The following PIK3CA variants were observed in gnomAD, a reference collection of about 807,000 sequenced individuals.
The protein encoded by PIK3CA is phosphatidylinositol-4,5-bisphosphate 3-kinase catalytic subunit alpha.
Under a neutral mutation model 138.2 loss-of-function variants are expected in PIK3CA, and 27 were observed. The observed-to-expected ratio is 0.20, with a 90% CI of 0.14 to 0.27. The LOEUF (loss-of-function observed/expected upper bound fraction) is 0.27. Ranked by LOEUF, PIK3CA falls within the 10% of genes least tolerant of loss-of-function variation. PIK3CA has a pLI of 1.00. For missense variants in PIK3CA, 544 were observed against 1,277.4 expected (o/e 0.43, Z 8.75); for synonymous variants, 358 against 413.2 (o/e 0.87, Z 1.62).
chr3:179,190,313 C>CA (rs992463202), intron 1 of PIK3CA, among the ~76,000 whole-genome samples: 2 of 150,766 alleles, frequency 1.3e-5, no homozygotes, highest in African/African-American at 4.9e-5. Context: ...GTGCACCCCC[C>CA]CCACCACCCC....
At position 179,203,610 on chromosome 3, in the gene PIK3CA, T is replaced by A. The variant is rs2108392741; in HGVS notation, c.880T>A (p.Tyr294Asn). The A allele has an allele frequency of 6.2e-7, 1 of 1,614,002 alleles. No individual in the cohort carries two copies. Among genetic ancestry groups the A allele is most frequent in the Non-Finnish European group, 8.5e-7 (1 of 1,179,928 alleles). The change falls in exon 5 of 21, where the codon TAT becomes AAT. Residue 294 changes from tyrosine to asparagine, a missense_variant. This residue lies in a region of PIK3CA where 234 missense variants were observed against 401.3 expected (regional missense o/e 0.58). Coordinates refer to ENST00000263967, the MANE Select transcript of PIK3CA (RefSeq NM_006218.4). ...GATGTTGATGGCTAAAGAAAGCCTT[T>A]ATTCTCAACTGCCAATGGACTGTTT... is the stretch of plus-strand genomic sequence containing the variant. ...NLMLMAKESL[Y>N]SQLPMDCFTM...
chr3:179,158,693 A>C (rs889630288), intron 1 of PIK3CA, among the ~76,000 whole-genome samples: 1 of 152,180 alleles, frequency 6.6e-6, no homozygotes, highest in Non-Finnish European at 1.5e-5. Flanking sequence ...AGGACACTCA[A>C]TGGACATGTG....
At position 179,235,122 on chromosome 3, in the gene PIK3CA, TAA is replaced by T. The variant is rs1327253616; in HGVS notation, c.*772_*773del. 3.6e-3 allele frequency: 555 copies of T among 154,622 alleles called. No homozygotes were observed. The highest frequency in any genetic ancestry group is 0.019 in the Middle Eastern group (8 of 428). 9.6% of individuals were successfully genotyped at this position (154,622 alleles called of 1,614,324 possible). A position where few individuals can be genotyped will look rare whatever the true frequency, so the allele number is the denominator to read the frequency against. On this transcript the variant is annotated 3_prime_UTR_variant, in exon 21 of 21. Transcript: ENST00000263967. Reference sequence around the variant, plus strand: ...AGGGAAATTCTGGGCTCCCACAAAGTAAAAAAAAAAAAAAATCATAGAAAAAG... The same window carrying T: ...AGGGAAATTCTGGGCTCCCACAAAGTAAAAAAAAAAAAATCATAGAAAAAG...
intron 1 of PIK3CA, among the ~76,000 whole-genome samples, chr3:179,191,711 A>G (rs1464385539): frequency 1.3e-5 from 2 of 152,142 alleles, no homozygotes; most frequent in African/African-American, 4.8e-5. Context: ...GTCTCGGCTC[A>G]CTGCAACCTC....
chr3:179,233,275 T>G (rs1416533011), intron 20 of PIK3CA: 1 of 398,240 alleles, frequency 2.5e-6, no homozygotes, highest in African/African-American at 2.1e-5. Flanking sequence ...GTGGGCTTCC[T>G]TGTCTTGTTC....
chr3:179,216,636 C>A (rs1025307420), intron 9 of PIK3CA, among the ~76,000 whole-genome samples: 21 of 152,030 alleles, frequency 1.4e-4, no homozygotes, highest in African/African-American at 5.1e-4. Context: ...TCAGAATTTT[C>A]AAAAATACTG....
In PIK3CA at chr3:179,229,322, A is replaced by G. The variant is rs778550145; in HGVS notation, c.2546A>G (p.Glu849Gly). The G allele has an allele frequency of 6.2e-7, 1 of 1,613,250 alleles. No individual in the cohort carries two copies. Among genetic ancestry groups the G allele is most frequent in the South Asian group, 1.1e-5 (1 of 91,062 alleles). ...LSIGDCVGLI[E>G]VVRNSHTIMQ... ...ATCGGTGACTGTGTGGGACTTATTG[A>G]GGTGGTGCGAAATTCTCACACTATT... Residue 849 changes from glutamate (E) to glycine (G), a missense_variant, in exon 18 of 21, where the codon GAG becomes GGG. Around this residue, in one of 14 missense-constraint regions of PIK3CA, gnomAD observed 72 missense variants for 271.8 expected, o/e 0.26. Transcript: ENST00000263967.
At chr3:179,157,693 G>T (rs774409370) in intron 1 of PIK3CA, among the ~76,000 whole-genome samples, 13 of 152,040 alleles carry the variant, frequency 8.6e-5, no homozygotes, top group Non-Finnish European at 1.6e-4. Context: ...GATATTTGCA[G>T]TCAGGATAGT....
intron 1 of PIK3CA, among the ~76,000 whole-genome samples, chr3:179,173,199 T>C (rs1448630097): frequency 1.3e-5 from 2 of 151,822 alleles, no homozygotes; most frequent in Non-Finnish European, 2.9e-5. Context: ...TTAGGTATTA[T>C]TTATGTGGTA....
rs17849082 is a variant in PIK3CA at position 179,203,523 on chromosome 3, C to T, written c.814-21C>T. ...ATGAAAAACCTTACAGGAAATGGCTCGCCCCCTTAATCTCTTACAGTATAT... is the reference window on the plus strand; with the variant it reads ...ATGAAAAACCTTACAGGAAATGGCTTGCCCCCTTAATCTCTTACAGTATAT... On this transcript the variant is annotated intron_variant, in intron 4 of 20. Coordinates refer to ENST00000263967, the MANE Select transcript of PIK3CA (RefSeq NM_006218.4). 466 of 1,584,100 alleles carry T rather than the reference C, an allele frequency of 2.9e-4. 3 individuals carry two copies. In the East Asian group the frequency reaches 9.1e-3, roughly 31 times the overall value.
Position 179,236,871 on chromosome 3 carries a change from A to C in PIK3CA, c.*2507A>C, listed in dbSNP as rs1576951030. The C allele has an allele frequency of 1.2e-4, 26 of 209,012 alleles. No individual in the cohort carries two copies. In the East Asian group the frequency reaches 1.9e-3, roughly 15 times the overall value. 12.9% of individuals were successfully genotyped at this position (209,012 alleles called of 1,614,324 possible). ...TAAGATCTGTTTCAAGTCAGTGATAATATAGCCACTTCTGGGTACTTCAGT... is the reference window on the plus strand; with the variant it reads ...TAAGATCTGTTTCAAGTCAGTGATACTATAGCCACTTCTGGGTACTTCAGT... On this transcript the variant is annotated 3_prime_UTR_variant, in exon 21 of 21. Transcript: ENST00000263967.
chr3:179,209,728 G>A (rs1168974722), intron 7 of PIK3CA, 28 bp downstream of exon 7: 1 of 1,360,342 alleles, frequency 7.4e-7, no homozygotes, highest in Non-Finnish European at 1.0e-6. Flanking sequence ...GAACAATTAT[G>A]TTTACCTTTA....
At chr3:179,152,825 C>CA (rs1367516393) in intron 1 of PIK3CA, among the ~76,000 whole-genome samples, 2 of 152,140 alleles carry the variant, frequency 1.3e-5, no homozygotes, top group Non-Finnish European at 2.9e-5. Context: ...ATTCCACTGT[C>CA]AAACACCCAG....
Position 179,239,909 on chromosome 3 carries a change from G to A in PIK3CA, c.*5545G>A, listed in dbSNP as rs1725407167. 1.4e-5 allele frequency: 11 copies of A among 785,888 alleles called. 1 individual carries two copies. The South Asian group carries it at 1.9e-4, about 13-fold the overall frequency. 48.7% of individuals were successfully genotyped at this position (785,888 alleles called of 1,614,324 possible). ...CAAGATGCATGTGTTACTATATTGAGAATATAGAATAATAACAGTATCACT... is the reference window on the plus strand; with the variant it reads ...CAAGATGCATGTGTTACTATATTGAAAATATAGAATAATAACAGTATCACT... On this transcript the variant is annotated 3_prime_UTR_variant, in exon 21 of 21. Transcript: ENST00000263967.
Position 179,234,307 on chromosome 3 carries a change from C to T in PIK3CA, c.3150C>T (p.Gly1050=), listed in dbSNP as rs1576949990. ...AAATGAATGATGCACATCATGGTGG[C>T]TGGACAACAAAAATGGATTGGATCT... ...MKQMNDAHHG[G]WTTKMDWIFH... is the part of the protein sequence containing the mutation. The change falls in exon 21 of 21, where the codon GGC becomes GGT. Residue 1050 remains glycine, a synonymous_variant. Transcript: ENST00000263967. The surrounding 1 kb of genome is among the most constrained non-coding windows in gnomAD (Gnocchi z 5.1). 6.2e-7 allele frequency: 1 copy of T among 1,613,074 alleles called. No homozygotes were observed. Among genetic ancestry groups the T allele is most frequent in the African/African-American group, 1.3e-5 (1 of 74,964 alleles).
intron 1 of PIK3CA, among the ~76,000 whole-genome samples, chr3:179,185,854 C>T (rs571542920): frequency 6.6e-6 from 1 of 152,196 alleles, no homozygotes; most frequent in African/African-American, 2.4e-5. Flanking sequence ...CTTCCAGGAA[C>T]CTCCACTTGT....
intron 18 of PIK3CA, 60 bp downstream of exon 18, chr3:179,229,502 G>C (rs536886216): frequency 7.6e-7 from 1 of 1,313,326 alleles, no homozygotes; most frequent in African/African-American, 1.5e-5. Context: ...TGAGTCTGTC[G>C]GTGTTTGTGT....
chr3:179,226,831 A>G (rs1483279533), intron 17 of PIK3CA, among the ~76,000 whole-genome samples: 1 of 152,156 alleles, frequency 6.6e-6, no homozygotes, highest in Non-Finnish European at 1.5e-5. Flanking sequence ...TGACCTGCTA[A>G]GGCACAAAAT....
intron 1 of PIK3CA, among the ~76,000 whole-genome samples, chr3:179,168,827 G>A (rs562230090): frequency 2.6e-5 from 4 of 151,830 alleles, no homozygotes; most frequent in African/African-American, 4.8e-5. Flanking sequence ...ATGTCTAGCC[G>A]TTTCCAGGTG....
Sources: allele counts gnomAD v4.1 joint callset (sites outside exome capture counted in the v4.1 genomes callset), GRCh38; gene constraint gnomAD v4.1.1; regional missense constraint gnomAD v4.1.1; non-coding constraint Gnocchi (gnomAD v3.1); transcripts MANE v1.5; gene names NCBI Gene and HGNC (gene_info 2026-07-23, HGNC 2026-07-21).